The following LAMP3 variants were observed in gnomAD, a reference collection of about 807,000 sequenced individuals.
The protein encoded by LAMP3 is lysosome-associated membrane glycoprotein 3.
Under a neutral mutation model 34.8 loss-of-function variants are expected in LAMP3, and 26 were observed. The observed-to-expected ratio is 0.75, with a 90% CI of 0.55 to 1.04. The LOEUF (loss-of-function observed/expected upper bound fraction) is 1.04, where lower values mean the gene tolerates loss of function less well. Among genes scored for constraint, LAMP3 ranks in the 50% least tolerant of loss-of-function variants. The probability of loss-of-function intolerance (pLI) is 0.00; values close to 1 mark genes in which losing one functional copy is unlikely to be tolerated. For missense variants in LAMP3, 495 were observed against 524.0 expected, an observed-to-expected ratio of 0.94 and a Z score of 0.54; for synonymous variants, 180 against 201.9, an observed-to-expected ratio of 0.89 and a Z score of 0.92.
At chr3:183,126,998 A>T (rs1291170428) in intron 5 of LAMP3, among the ~76,000 whole-genome samples, 5 of 152,248 alleles carry the variant, frequency 3.3e-5, no homozygotes, top group African/African-American at 4.8e-5. Flanking sequence ...TTAAACAATT[A>T]TGAAATACAT....
chr3:183,155,280 C>T (rs1187657695), intron 1 of LAMP3, among the ~76,000 whole-genome samples: 1 of 152,228 alleles, frequency 6.6e-6, no homozygotes, highest in Non-Finnish European at 1.5e-5. Flanking sequence ...CTAGACTTAA[C>T]TGTTCCCAAT....
chr3:183,125,288 G>A (rs73052289), intron 5 of LAMP3, among the ~76,000 whole-genome samples: 2,134 of 152,214 alleles, frequency 0.014, 48 homozygotes, highest in African/African-American at 0.049. Context: ...ATTATGTCCT[G>A]AACCAAGGAT....
intron 3 of LAMP3, among the ~76,000 whole-genome samples, chr3:183,144,296 G>T (rs1720375318): frequency 6.6e-6 from 1 of 152,160 alleles, no homozygotes; most frequent in Admixed American, 6.5e-5. Context: ...TGCGAAGTCG[G>T]GGTGAGCACT....
intron 5 of LAMP3, chr3:183,131,904 A>G (rs1338856017): frequency 1.0e-6 from 1 of 984,672 alleles, no homozygotes; most frequent in East Asian, 1.1e-4. Context: ...TCCCTCAGAT[A>G]TCAACCGTCC....
intron 4 of LAMP3, among the ~76,000 whole-genome samples, chr3:183,136,795 A>C (rs1576873970): frequency 6.6e-6 from 1 of 152,168 alleles, no homozygotes; most frequent in East Asian, 1.9e-4. Flanking sequence ...TCTCTTATGA[A>C]AGGTACACCC....
At chr3:183,152,752 A>G (rs1217350426) in intron 2 of LAMP3, among the ~76,000 whole-genome samples, 1 of 152,190 alleles carries the variant, frequency 6.6e-6, no homozygotes, top group Non-Finnish European at 1.5e-5. Flanking sequence ...GATAAGCTGC[A>G]TGGAATTTAT....
intron 3 of LAMP3, 72 bp from the exon 4 acceptor site, chr3:183,140,667 T>C: frequency 2.0e-6 from 2 of 1,021,962 alleles, no homozygotes; most frequent in Admixed American, 3.6e-5. Context: ...TTATAAACTT[T>C]GTTTAAGATT....
At chr3:183,127,198 G>A (rs1318564793) in intron 5 of LAMP3, among the ~76,000 whole-genome samples, 4 of 152,008 alleles carry the variant, frequency 2.6e-5, no homozygotes, top group African/African-American at 4.8e-5. Context: ...GCAGTGGTGC[G>A]ATCATAGCTC....
At chr3:183,158,997 C>T (rs992241841) in intron 1 of LAMP3, among the ~76,000 whole-genome samples, 4 of 151,954 alleles carry the variant, frequency 2.6e-5, no homozygotes, top group Non-Finnish European at 5.9e-5. Context: ...TTCCTGGGTT[C>T]AAGCGATCCT....
chr3:183,125,287 TG>T (rs1397581432), intron 5 of LAMP3, among the ~76,000 whole-genome samples: 2 of 152,292 alleles, frequency 1.3e-5, no homozygotes, highest in African/African-American at 4.8e-5. Flanking sequence ...AATTATGTCC[TG>T]AACCAAGGAT....
Position 183,162,666 on chromosome 3 carries a change from G to T in LAMP3, c.-11C>A. The T allele has an allele frequency of 6.5e-7, 1 of 1,535,324 alleles. No individual in the cohort carries two copies. Among genetic ancestry groups the T allele is most frequent in the East Asian group, 2.5e-5 (1 of 40,606 alleles). On this transcript the variant is annotated 5_prime_UTR_variant, in exon 1 of 6. Coordinates refer to ENST00000265598, the MANE Select transcript of LAMP3 (RefSeq NM_014398.4). The stretch of plus-strand genomic sequence containing the variant: ...GAGCTGCCGGGGCATGGTGGGCGCT[G>T]GGCGAGGTTCTGCAGCGTGCGGCGA...
chr3:183,135,902 G>C lies in LAMP3; in HGVS notation c.947-15C>G. Reference sequence around the variant, plus strand: ...GTAAATTGTCTCTGAAAAGGTGACAGATAGATGCATAAGAGTCCTGAGATG... The same window carrying C: ...GTAAATTGTCTCTGAAAAGGTGACACATAGATGCATAAGAGTCCTGAGATG... On this transcript the variant is annotated splice_polypyrimidine_tract_variant and intron_variant, in intron 4 of 5. Transcript: ENST00000265598. The C allele has an allele frequency of 6.2e-7, 1 of 1,604,916 alleles. No homozygotes were observed. The highest frequency in any genetic ancestry group is 8.5e-7 in the Non-Finnish European group (1 of 1,171,546).
Position 183,154,310 on chromosome 3 carries a change from G to C in LAMP3, c.131C>G (p.Thr44Arg). ...GACAGGTTTTTTTATGTCCTGTACT[G>C]TTGCTGCTGCAGTAGGTTGAGAATA... is the stretch of plus-strand genomic sequence containing the variant. ...RDYSQPTAAA[T>R]VQDIKKPVQQ... Residue 44 changes from threonine (T) to arginine (R), a missense_variant, in exon 2 of 6, where the codon ACA (threonine) becomes AGA (arginine). By Grantham distance (71) the Thr-to-Arg change is moderately conservative. Transcript: ENST00000265598. 1 of 1,614,008 alleles carries C rather than the reference G, an allele frequency of 6.2e-7. No homozygotes were observed.
In LAMP3 at chr3:183,122,491, A is replaced by T. The variant is rs1028611981; in HGVS notation, c.*1590T>A. 13 of 152,248 alleles carry T rather than the reference A, an allele frequency of 8.5e-5. No homozygotes were observed. Among genetic ancestry groups the T allele is most frequent in the African/African-American group, 3.1e-4 (13 of 41,476 alleles). 9.4% of individuals were successfully genotyped at this position (152,248 alleles called of 1,614,324 possible). A position where few individuals can be genotyped will look rare whatever the true frequency, so the allele number is the denominator to read the frequency against. On this transcript the variant is annotated 3_prime_UTR_variant, in exon 6 of 6. Coordinates refer to ENST00000265598, the MANE Select transcript of LAMP3 (RefSeq NM_014398.4). ...TCTACAGAATAAAGTGAACAATAGGAAATATGGATATGAAGTGCAGAAGCA... is the reference window on the plus strand; with the variant it reads ...TCTACAGAATAAAGTGAACAATAGGTAATATGGATATGAAGTGCAGAAGCA...
rs549376460 is a variant in LAMP3, at chr3:183,133,429, A to T, written c.1117+2288T>A. Among the ~76,000 whole-genome samples, 45 of 152,306 alleles carry T rather than the reference A, an allele frequency of 3.0e-4. No homozygotes were observed. The South Asian group carries it at 5.4e-3, about 18-fold the overall frequency. ...GAATGCAGTGACACAATCTCGGCTC[A>T]CTGCAACCTCCGCCTCCTGATTTCA... is the stretch of plus-strand genomic sequence containing the variant. On this transcript the variant is annotated intron_variant, in intron 5 of 5. Coordinates refer to ENST00000265598, the MANE Select transcript of LAMP3 (RefSeq NM_014398.4).
At chr3:183,146,496 TG>T (rs1323960635) in intron 3 of LAMP3, among the ~76,000 whole-genome samples, 1 of 152,044 alleles carries the variant, frequency 6.6e-6, no homozygotes, top group East Asian at 1.9e-4. Flanking sequence ...TTCAGTTGTA[TG>T]TTTTTTGGCC....
At chr3:183,162,851 G>A, upstream of LAMP3, 1 of 538,516 alleles carries the variant, frequency 1.9e-6, no homozygotes, top group Non-Finnish European at 3.2e-6. Flanking sequence ...AGGGAGGGGC[G>A]GGGACTCGGC....
chr3:183,161,730 G>C lies in LAMP3; in HGVS notation c.49+877C>G, dbSNP rs540010092. On this transcript the variant is annotated intron_variant, in intron 1 of 5. Transcript: ENST00000265598. The stretch of plus-strand genomic sequence containing the variant: ...TTTCTGAGCCTATCCATCCATTCAA[G>C]GAGCGCTCACATACAGGTCACTGTG... Among the ~76,000 whole-genome samples, 375 of 152,168 alleles carry C rather than the reference G, an allele frequency of 2.5e-3. 2 individuals are homozygous for C. The highest frequency in any genetic ancestry group is 8.6e-3 in the African/African-American group (356 of 41,542).
intron 5 of LAMP3, among the ~76,000 whole-genome samples, chr3:183,128,079 C>T (rs981294429): frequency 2.7e-5 from 4 of 147,914 alleles, no homozygotes; most frequent in South Asian, 2.1e-4. Flanking sequence ...ACCTGGGAGG[C>T]GGAGCTTGCA....
Sources: gnomAD v4.1 joint callset for allele counts (sites outside exome capture counted in the v4.1 genomes callset) on GRCh38, gnomAD v4.1.1 for gene constraint, MANE v1.5 for transcripts, NCBI Gene and HGNC (gene_info 2026-07-23, HGNC 2026-07-21) for gene names.